AGTPBP1: variants seen among roughly 807,000 people sequenced by gnomAD.
AGTPBP1 encodes the protein ATP/GTP binding carboxypeptidase 1.
In AGTPBP1, 70 loss-of-function variants were observed where a neutral mutation model predicts 143.9. The ratio of observed to expected loss-of-function variants is 0.49; its 90% CI spans 0.40 to 0.59. The LOEUF (loss-of-function observed/expected upper bound fraction) is 0.59, where lower values mean the gene tolerates loss of function less well. Among genes scored for constraint, AGTPBP1 ranks in the 20% least tolerant of loss-of-function variants. The pLI is 0.00. For synonymous variants in AGTPBP1, 463 were observed against 500.2 expected (o/e 0.93, Z 0.99); for missense variants, 1,229 against 1,464.5 (o/e 0.84, Z 2.62).
chr9:85,785,044 A>G, the AGTPBP1 span, among the ~76,000 whole-genome samples: 2 of 152,168 alleles, frequency 1.3e-5, no homozygotes, highest in Non-Finnish European at 2.9e-5. Context: ...TTGTCTTGGC[A>G]GGACTGGGCC....
chr9:85,691,536 G>GGTGTGTGTGTGTGT (rs58713865), intron 3 of AGTPBP1, among the ~76,000 whole-genome samples: 9 of 144,480 alleles, frequency 6.2e-5, no homozygotes, highest in East Asian at 2.0e-4. Flanking sequence ...AAAAAAAGAG[G>GGTGTGTGTGTGTGT]GTGTGTGTGT....
chr9:85,664,051 AC>A (rs1331333517), intron 8 of AGTPBP1, among the ~76,000 whole-genome samples: 1 of 152,130 alleles, frequency 6.6e-6, no homozygotes, highest in African/African-American at 2.4e-5. Context: ...AGCCAGATCC[AC>A]CCCACCACAA....
Position 85,672,534 on chromosome 9 carries a change from C to T in AGTPBP1, c.568+16G>A, listed in dbSNP as rs749658931. ...TTTACAACACTGAGTTAACTAAAAG[C>T]CACCTAAATACTCACAGTTGGCAGA... On this transcript the variant is annotated intron_variant, in intron 7 of 25. Coordinates refer to ENST00000357081, the MANE Select transcript of AGTPBP1 (RefSeq NM_001330701.2). 1 of 1,602,528 alleles carries T rather than the reference C, an allele frequency of 6.2e-7. No individual in the cohort carries two copies. The highest frequency in any genetic ancestry group is 2.2e-5 in the East Asian group (1 of 44,782).
chr9:85,647,915 CTT>C (rs1352927916), intron 11 of AGTPBP1, among the ~76,000 whole-genome samples: 2 of 152,232 alleles, frequency 1.3e-5, no homozygotes, highest in Non-Finnish European at 1.5e-5. Flanking sequence ...GTAGTACTGA[CTT>C]TTAATATAAA....
intron 10 of AGTPBP1, 23 bp downstream of exon 10, chr9:85,657,412 A>G (rs768524075): frequency 1.9e-6 from 3 of 1,576,842 alleles, no homozygotes; most frequent in South Asian, 2.3e-5. Context: ...CATAATCACA[A>G]TAATAAGAAG....
At position 85,632,987 on chromosome 9, in the gene AGTPBP1, C is replaced by A; in HGVS notation, c.1690G>T (p.Val564Phe). 1 of 1,614,126 alleles carries A rather than the reference C, an allele frequency of 6.2e-7. No homozygotes were observed. Among genetic ancestry groups the A allele is most frequent in the East Asian group, 2.2e-5 (1 of 44,874 alleles). ...MKKDCSLPLTVLTCAKACPHM... is the reference protein window; with the variant it reads ...MKKDCSLPLTFLTCAKACPHM... ...GGACATGCTTTAGCACAGGTAAGGACAGTAAGAGGAAGACTGCAGTCCTTC... is the reference window on the plus strand; with the variant it reads ...GGACATGCTTTAGCACAGGTAAGGAAAGTAAGAGGAAGACTGCAGTCCTTC... Residue 564 changes from valine to phenylalanine, a missense_variant, in exon 14 of 26, where the codon GTC becomes TTC. Physicochemically the swap from Val to Phe is conservative, Grantham distance 50 (BLOSUM62 -1). This residue lies in a region of AGTPBP1 where 743 missense variants were observed against 812.2 expected (regional missense o/e 0.91). Coordinates refer to ENST00000357081, the MANE Select transcript of AGTPBP1 (RefSeq NM_001330701.2).
rs572608736 is a variant in AGTPBP1, at chr9:85,737,633, T to C, written c.-34+4142A>G. On this transcript the variant is annotated intron_variant, in intron 1 of 25. Transcript: ENST00000357081. ...GATGTCAACATTTGGAAGATCTGCA[T>C]AACACTGAACCAATATTTACAAATG... Among the ~76,000 whole-genome samples the C allele has an allele frequency of 3.7e-4, 56 of 152,322 alleles. 1 individual carries two copies. The South Asian group carries it at 0.01, about 28-fold the overall frequency.
intron 14 of AGTPBP1, among the ~76,000 whole-genome samples, chr9:85,627,129 T>G (rs554032110): frequency 6.6e-6 from 1 of 152,344 alleles, no homozygotes; most frequent in South Asian, 2.1e-4. Context: ...GTACTACATG[T>G]GACACACTGT....
chr9:85,585,219 G>A (rs1029872058), intron 23 of AGTPBP1, among the ~76,000 whole-genome samples: 3 of 152,164 alleles, frequency 2.0e-5, no homozygotes, highest in Non-Finnish European at 2.9e-5. Flanking sequence ...AGGTACTATC[G>A]AGTTAATAGT....
At chr9:85,571,292 A>T (rs1248847737) in intron 25 of AGTPBP1, among the ~76,000 whole-genome samples, 2 of 152,194 alleles carry the variant, frequency 1.3e-5, no homozygotes, top group Non-Finnish European at 2.9e-5. Flanking sequence ...TCCAACCCTG[A>T]GATAAAGAAC....
chr9:85,781,222 A>T, the AGTPBP1 span: 1 of 1,515,936 alleles, frequency 6.6e-7, no homozygotes, highest in Non-Finnish European at 8.8e-7. Context: ...AGAAGGCATT[A>T]TGGAAACTTT....
the AGTPBP1 span, among the ~76,000 whole-genome samples, chr9:85,790,344 A>G: frequency 6.6e-6 from 1 of 152,174 alleles, no homozygotes; most frequent in Non-Finnish European, 1.5e-5. Context: ...CTGACTTTTC[A>G]TAGGTTTTGT....
the AGTPBP1 span, among the ~76,000 whole-genome samples, chr9:85,760,096 A>G: frequency 1.4e-4 from 22 of 152,230 alleles, no homozygotes; most frequent in Admixed American, 7.2e-4. Context: ...GAATAGACCA[A>G]TGACAGGCTC....
intron 1 of AGTPBP1, among the ~76,000 whole-genome samples, chr9:85,737,383 A>G (rs1483297560): frequency 6.6e-6 from 1 of 152,232 alleles, no homozygotes; most frequent in Non-Finnish European, 1.5e-5. Flanking sequence ...ATATTTTGGC[A>G]GAGGTTTTCT....
chr9:85,681,376 T>G (rs1835164339), intron 3 of AGTPBP1, 41 bp from the exon 4 acceptor site: 1 of 1,567,024 alleles, frequency 6.4e-7, no homozygotes, highest in African/African-American at 1.4e-5. Context: ...ACATAAATTT[T>G]TAAAAGTATG....
At chr9:85,767,686 T>C in the AGTPBP1 span, among the ~76,000 whole-genome samples, 1 of 152,012 alleles carries the variant, frequency 6.6e-6, no homozygotes, top group Admixed American at 6.6e-5. Context: ...CTCGCCATGT[T>C]GGTCAGGCTG....
At chr9:85,605,985 G>T (rs749584896) in intron 17 of AGTPBP1, among the ~76,000 whole-genome samples, 12 of 151,948 alleles carry the variant, frequency 7.9e-5, no homozygotes, top group Non-Finnish European at 1.8e-4. Context: ...AAGAGGGAAA[G>T]AAGAGAGGAC....
At chr9:85,726,924 A>G (rs1227975686) in intron 1 of AGTPBP1, among the ~76,000 whole-genome samples, 2 of 152,212 alleles carry the variant, frequency 1.3e-5, no homozygotes, top group Non-Finnish European at 2.9e-5. Flanking sequence ...GTGTAAAATT[A>G]CACTGAGTAA....
Position 85,621,237 on chromosome 9 carries a change from G to A in AGTPBP1, c.2064C>T (p.Ile688=), listed in dbSNP as rs143533842. 24 of 1,470,212 alleles carry A rather than the reference G, an allele frequency of 1.6e-5. No individual in the cohort carries two copies. In the African/African-American group the frequency reaches 3.4e-4, roughly 21 times the overall value. The allele number at this position is 1,470,212 out of a possible 1,614,324, so 91.1% of individuals were successfully genotyped here. The change falls in exon 15 of 26, where the codon ATC becomes ATT. Residue 688 remains isoleucine (I), a synonymous_variant. Coordinates refer to ENST00000357081, the MANE Select transcript of AGTPBP1 (RefSeq NM_001330701.2). ...DIERLIHQSD[I]IDRVVYDLDN... is the part of the protein sequence containing the mutation. Reference sequence around the variant, plus strand: ...CCAAGTCATATACCACACGATCTATGATATCACTCTGATGTATTAGCCTTT... The same window carrying A: ...CCAAGTCATATACCACACGATCTATAATATCACTCTGATGTATTAGCCTTT...
Sources: allele counts gnomAD v4.1 joint callset (sites outside exome capture counted in the v4.1 genomes callset), GRCh38; gene constraint gnomAD v4.1.1; regional missense constraint gnomAD v4.1.1; transcripts MANE v1.5; gene names NCBI Gene and HGNC (gene_info 2026-07-23, HGNC 2026-07-21).